NRG3: variants seen among roughly 807,000 people sequenced by gnomAD.
NRG3 encodes pro-neuregulin-3, membrane-bound isoform.
Under a neutral mutation model 66.9 loss-of-function variants are expected in NRG3, and 31 were observed. That is an observed-to-expected ratio of 0.46 (90% CI 0.35 to 0.63). NRG3 has a LOEUF of 0.63. NRG3 is among the 20% of genes least tolerant of loss of function. NRG3 has a pLI of 0.00. For missense variants in NRG3, 910 were observed against 878.9 expected (o/e 1.04, Z -0.45); for synonymous variants, 393 against 359.4 (o/e 1.09, Z -1.06).
chr10:82,823,134 T>C (rs1254686194), intron 3 of NRG3, among the ~76,000 whole-genome samples: 1 of 152,174 alleles, frequency 6.6e-6, no homozygotes, highest in Non-Finnish European at 1.5e-5. Flanking sequence ...CCAGGTTATT[T>C]TTCTCCTCTG....
rs2882010 is a variant in NRG3 at position 82,945,901 on chromosome 10, G to A, written c.1055-5568G>A. On this transcript the variant is annotated intron_variant, in intron 4 of 8. Transcript: ENST00000372141. ...AGAAGCAGATGGTCAACTCACGAAA[G>A]GAGGATGTGTTTAAGCCTAGGAGTA... Among the ~76,000 whole-genome samples, 97 of 152,264 alleles carry A rather than the reference G, an allele frequency of 6.4e-4. 1 individual carries two copies. Among genetic ancestry groups the A allele is most frequent in the African/African-American group, 2.1e-3 (86 of 41,560 alleles).
Position 82,204,531 on chromosome 10 carries a change from C to T in NRG3, c.824-154208C>T, listed in dbSNP as rs531289655. Among the ~76,000 whole-genome samples, 7 of 152,246 alleles carry T rather than the reference C, an allele frequency of 4.6e-5. No individual in the cohort carries two copies. In the South Asian group the frequency reaches 1.2e-3, roughly 27 times the overall value. ...TGTTTCCTTTACTGGCAGCATGTTC[C>T]TATTAAAAGGAAATTCTCCAGTCAA... On this transcript the variant is annotated intron_variant, in intron 1 of 8. Coordinates refer to ENST00000372141, the MANE Select transcript of NRG3 (RefSeq NM_001010848.4).
At chr10:82,132,346 T>G (rs2068888093) in intron 1 of NRG3, among the ~76,000 whole-genome samples, 1 of 150,108 alleles carries the variant, frequency 6.7e-6, no homozygotes, top group South Asian at 2.1e-4. Context: ...GTTGATTGAT[T>G]TGCATATGTT....
intron 6 of NRG3, among the ~76,000 whole-genome samples, chr10:82,969,849 T>C (rs2132547274): frequency 1.3e-5 from 2 of 152,314 alleles, no homozygotes; most frequent in South Asian, 2.1e-4. Context: ...CAGAAAAATA[T>C]ATGTACATAC....
chr10:82,541,600 T>A (rs1274808937), intron 2 of NRG3, among the ~76,000 whole-genome samples: 1 of 152,210 alleles, frequency 6.6e-6, no homozygotes, highest in Admixed American at 6.5e-5. Context: ...ATGTCTGGAA[T>A]CTATAGATAA....
chr10:82,811,648 G>A (rs2061496389), intron 3 of NRG3, among the ~76,000 whole-genome samples: 1 of 152,186 alleles, frequency 6.6e-6, no homozygotes, highest in South Asian at 2.1e-4. Context: ...CACATTGACA[G>A]TAAAAGCAAT....
Position 82,756,372 on chromosome 10 carries a change from T to A in NRG3, c.1027+17722T>A, listed in dbSNP as rs1002192. Among the ~76,000 whole-genome samples, 522 of 152,234 alleles carry A rather than the reference T, an allele frequency of 3.4e-3. 4 individuals carry two copies. Among genetic ancestry groups the A allele is most frequent in the African/African-American group, 8.0e-3 (331 of 41,572 alleles). The stretch of plus-strand genomic sequence containing the variant: ...ACAGCTTCCAATGGCAGGCAAATCC[T>A]TTCCCGGTTTTACATACTAATGTAA... On this transcript the variant is annotated intron_variant, in intron 3 of 8. Transcript: ENST00000372141.
chr10:82,837,387 T>A (rs2062834911), intron 3 of NRG3, among the ~76,000 whole-genome samples: 1 of 152,152 alleles, frequency 6.6e-6, no homozygotes, highest in African/African-American at 2.4e-5. Context: ...ACCCATTGGC[T>A]TATTTGTGCT....
intron 2 of NRG3, among the ~76,000 whole-genome samples, chr10:82,613,487 G>T (rs889860547): frequency 1.3e-5 from 2 of 150,486 alleles, no homozygotes; most frequent in Non-Finnish European, 3.0e-5. Context: ...TAAAGTTGTA[G>T]GATGATAATA....
intron 2 of NRG3, among the ~76,000 whole-genome samples, chr10:82,518,519 T>C (rs1845902612): frequency 1.3e-5 from 2 of 152,202 alleles, no homozygotes; most frequent in Admixed American, 6.5e-5. Context: ...CACATATTAG[T>C]CATTTGTAAA....
chr10:82,770,454 C>G (rs1411311983), intron 3 of NRG3, among the ~76,000 whole-genome samples: 1 of 152,054 alleles, frequency 6.6e-6, no homozygotes, highest in Non-Finnish European at 1.5e-5. Context: ...ATTCCTAATA[C>G]GACGATTTTC....
intron 2 of NRG3, among the ~76,000 whole-genome samples, chr10:82,722,873 T>C (rs569925814): frequency 2.0e-5 from 3 of 152,310 alleles, no homozygotes; most frequent in Admixed American, 2.0e-4. Flanking sequence ...AGGATAATAG[T>C]ATAGTTAAGA....
intron 2 of NRG3, among the ~76,000 whole-genome samples, chr10:82,675,126 T>A (rs182140147): frequency 1.3e-5 from 2 of 151,972 alleles, no homozygotes; most frequent in African/African-American, 4.8e-5. Flanking sequence ...GCTGGCTAAT[T>A]TTTGTATGTT....
At chr10:82,232,509 C>A (rs1056508156) in intron 1 of NRG3, 13 of 473,886 alleles carry the variant, frequency 2.7e-5, no homozygotes, top group Admixed American at 1.4e-4. Context: ...CTAACAGGTG[C>A]TCCTCAAATT....
chr10:82,761,909 T>C (rs1458468940), intron 3 of NRG3, among the ~76,000 whole-genome samples: 1 of 139,988 alleles, frequency 7.1e-6, no homozygotes, highest in African/African-American at 2.7e-5. Context: ...CGTTCTTTCT[T>C]CTTTCTTTCT....
At chr10:82,127,300 C>T (rs1288298509) in intron 1 of NRG3, among the ~76,000 whole-genome samples, 1 of 152,090 alleles carries the variant, frequency 6.6e-6, no homozygotes, top group African/African-American at 2.4e-5. Flanking sequence ...GAATAGTTCT[C>T]TCCTGAAGGT....
chr10:82,398,894 ACTG>A (rs1564878470), intron 2 of NRG3, among the ~76,000 whole-genome samples: 2 of 152,082 alleles, frequency 1.3e-5, no homozygotes, highest in African/African-American at 4.8e-5. Context: ...CATTCCTCCT[ACTG>A]CAAGTTTCTC....
intron 2 of NRG3, among the ~76,000 whole-genome samples, chr10:82,394,113 C>T (rs996315005): frequency 3.3e-5 from 5 of 152,126 alleles, no homozygotes; most frequent in African/African-American, 1.2e-4. Context: ...TCACACTGTG[C>T]TATTTCTCCA....
At chr10:81,936,347 A>T (rs1479963357) in intron 1 of NRG3, among the ~76,000 whole-genome samples, 2 of 152,170 alleles carry the variant, frequency 1.3e-5, no homozygotes, top group South Asian at 4.1e-4. Context: ...TATTCCCAAC[A>T]GTTGCATAAG....
Sources: allele counts gnomAD v4.1 joint callset (sites outside exome capture counted in the v4.1 genomes callset), GRCh38; gene constraint gnomAD v4.1.1; transcripts MANE v1.5; gene names NCBI Gene and HGNC (gene_info 2026-07-23, HGNC 2026-07-21).